Variants in DMD observed in about 807,000 individuals in gnomAD.
The protein encoded by DMD is dystrophin.
A neutral mutation model predicts 330.1 loss-of-function variants in DMD; 63 were observed. The observed-to-expected ratio is 0.19, with a 90% CI of 0.16 to 0.24. The LOEUF (loss-of-function observed/expected upper bound fraction) is 0.24, where lower values mean the gene tolerates loss of function less well. Ranked by LOEUF, DMD falls within the 10% of genes least tolerant of loss-of-function variation. DMD has a pLI of 1.00. For missense variants in DMD, 3,344 were observed against 2,684.1 expected (o/e 1.25, Z -5.43); for synonymous variants, 1,223 against 959.8 (o/e 1.27, Z -5.07).
chrX:32,292,359 G>T (rs1251901411), intron 42 of DMD, among the ~76,000 whole-genome samples: 1 of 83,909 alleles, frequency 1.2e-5, no homozygotes, highest in Non-Finnish European at 2.2e-5. Flanking sequence ...GGAGTGCAGT[G>T]GTCTGATCTA....
intron 50 of DMD, among the ~76,000 whole-genome samples, chrX:31,793,828 T>C (rs2091692169): frequency 8.9e-6 from 1 of 112,275 alleles, no homozygotes; most frequent in African/African-American, 3.2e-5. Flanking sequence ...TGTATATTTC[T>C]TTATTTCTCA....
intron 2 of DMD, among the ~76,000 whole-genome samples, chrX:32,945,377 G>T (rs960651700): frequency 1.8e-4 from 20 of 110,163 alleles, no homozygotes; most frequent in Admixed American, 4.8e-4. Context: ...ATGAGCTTTG[G>T]GACTAATTTT....
rs750851260 is a variant in DMD, at chrX:31,861,944, T to TACAC, written c.7098+13243_7098+13244insGTGT. ...TTAAGAGGACAAGAGTAGAAAATAA[T>TACAC]ATACACACACACACACACACACACA... On this transcript the variant is annotated intron_variant, in intron 48 of 78. Transcript: ENST00000357033. Among the ~76,000 whole-genome samples the TACAC allele has an allele frequency of 3.3e-3, 111 of 33,956 alleles. 1 individual carries two copies. Among genetic ancestry groups the TACAC allele is most frequent in the African/African-American group, 0.028 (103 of 3,718 alleles). 29.5% of individuals were successfully genotyped at this position (33,956 alleles called of 115,157 possible). A position where few individuals can be genotyped will look rare whatever the true frequency, so the allele number is the denominator to read the frequency against.
chrX:32,524,924 G>A (rs888251513), intron 17 of DMD, among the ~76,000 whole-genome samples: 14 of 112,102 alleles, frequency 1.2e-4, no homozygotes, highest in African/African-American at 4.2e-4. Context: ...CAGTGGTGAG[G>A]AGAGCGTTTT....
chrX:32,775,608 G>A (rs2074059168), intron 7 of DMD, among the ~76,000 whole-genome samples: 1 of 113,160 alleles, frequency 8.8e-6, no homozygotes, highest in African/African-American at 3.2e-5. Context: ...TTTAGCCAAG[G>A]CTGGAGCTGA....
chrX:32,437,829 A>T (rs2098267435), intron 29 of DMD, among the ~76,000 whole-genome samples: 1 of 112,596 alleles, frequency 8.9e-6, no homozygotes, highest in Non-Finnish European at 1.9e-5. Context: ...AGTGTTATTT[A>T]TGAAGAATAA....
chrX:31,396,422 C>A (rs1277162189), intron 60 of DMD, among the ~76,000 whole-genome samples: 2 of 111,467 alleles, frequency 1.8e-5, no homozygotes, highest in African/African-American at 6.5e-5. Flanking sequence ...CAGGCGTGAG[C>A]CACCGCGCCC....
At chrX:33,272,765 ATT>A (rs2053180024) in intron 1 of DMD, among the ~76,000 whole-genome samples, 1 of 111,493 alleles carries the variant, frequency 9.0e-6, no homozygotes, top group African/African-American at 3.3e-5. Flanking sequence ...CTGGGAAAGA[ATT>A]GAGACATTAC....
chrX:31,712,524 A>T (rs1174457954), intron 52 of DMD, among the ~76,000 whole-genome samples: 1 of 108,680 alleles, frequency 9.2e-6, no homozygotes, highest in Non-Finnish European at 1.9e-5. Flanking sequence ...ATATATTTTT[A>T]ATTTATTCAC....
intron 55 of DMD, among the ~76,000 whole-genome samples, chrX:31,509,550 A>G (rs761130934): frequency 8.9e-6 from 1 of 112,019 alleles, no homozygotes; most frequent in Non-Finnish European, 1.9e-5. Flanking sequence ...ATACATATAA[A>G]GGATAGTACA....
intron 44 of DMD, among the ~76,000 whole-genome samples, chrX:32,097,346 C>T (rs1466135041): frequency 9.0e-6 from 1 of 110,943 alleles, no homozygotes. Context: ...TGAGAAAATG[C>T]GGTGTCTGTT....
intron 55 of DMD, among the ~76,000 whole-genome samples, chrX:31,526,936 T>C (rs2073282222): frequency 9.0e-6 from 1 of 111,710 alleles, no homozygotes; most frequent in African/African-American, 3.3e-5. Flanking sequence ...GTGGCGAAAC[T>C]CTGTTTCTAC....
chrX:31,835,946 C>T (rs778661575), intron 49 of DMD, among the ~76,000 whole-genome samples: 1 of 111,916 alleles, frequency 8.9e-6, no homozygotes, highest in Admixed American at 9.5e-5. Context: ...GAACCTTCAT[C>T]ATAATGGGAG....
intron 11 of DMD, among the ~76,000 whole-genome samples, chrX:32,620,499 T>C (rs1039582843): frequency 7.1e-5 from 8 of 112,521 alleles, no homozygotes; most frequent in African/African-American, 9.7e-5. Context: ...ATGAGGAACA[T>C]TGCAATCAGA....
At chrX:32,154,382 C>T (rs1175727178) in intron 44 of DMD, among the ~76,000 whole-genome samples, 1 of 112,392 alleles carries the variant, frequency 8.9e-6, no homozygotes, top group East Asian at 2.8e-4. Context: ...ATCTTCTTTA[C>T]ATAACCGTAT....
chrX:31,864,425 C>G (rs2093761149), intron 48 of DMD, among the ~76,000 whole-genome samples: 1 of 107,940 alleles, frequency 9.3e-6, no homozygotes, highest in Admixed American at 9.9e-5. Context: ...TGACCATCTA[C>G]TCCCTTTTTT....
At chrX:31,483,172 G>A (rs113988948) in intron 57 of DMD, among the ~76,000 whole-genome samples, 17,843 of 103,346 alleles carry the variant, frequency 0.17, 1,775 homozygotes, top group African/African-American at 0.37. Flanking sequence ...TCAGCCTCCC[G>A]AGTAGCTGGG....
At chrX:31,391,687 A>G (rs936590846) in intron 60 of DMD, among the ~76,000 whole-genome samples, 21 of 109,521 alleles carry the variant, frequency 1.9e-4, no homozygotes, top group African/African-American at 7.0e-4. Context: ...CATGATCAAC[A>G]TGGTGAAACC....
At chrX:31,255,947 T>C (rs768111235) in intron 63 of DMD, among the ~76,000 whole-genome samples, 199 of 109,543 alleles carry the variant, frequency 1.8e-3, no homozygotes, top group African/African-American at 6.1e-3. Context: ...GGCTAATTTT[T>C]TGTTTTTTTA....
Sources: allele counts gnomAD v4.1 joint callset (sites outside exome capture counted in the v4.1 genomes callset), GRCh38; gene constraint gnomAD v4.1.1; transcripts MANE v1.5; gene names NCBI Gene and HGNC (gene_info 2026-07-23, HGNC 2026-07-21).